The following C12orf75 variants were observed in gnomAD, a reference collection of about 807,000 sequenced individuals.
C12orf75 encodes chromosome 12 open reading frame 75.
In C12orf75, 4 loss-of-function variants were observed where a neutral mutation model predicts 11.4. That is an observed-to-expected ratio of 0.35 (90% CI 0.17 to 0.80). The LOEUF (loss-of-function observed/expected upper bound fraction) is 0.80, where lower values mean the gene tolerates loss of function less well. C12orf75 is among the 30% of genes least tolerant of loss of function. C12orf75 has a pLI of 0.52. For missense variants in C12orf75, 89 were observed against 80.4 expected, an observed-to-expected ratio of 1.11 and a Z score of -0.41; for synonymous variants, 30 against 30.0, an observed-to-expected ratio of 1.00 and a Z score of 0.00.
intron 1 of C12orf75, among the ~76,000 whole-genome samples, chr12:105,344,966 C>A (rs182662925): frequency 2.8e-5 from 4 of 143,676 alleles, no homozygotes; most frequent in South Asian, 2.3e-4. Flanking sequence ...AATTCTAAGC[C>A]CCCCCCCAAC....
chr12:105,362,566 C>T (rs982721094), intron 2 of C12orf75, among the ~76,000 whole-genome samples: 1 of 149,292 alleles, frequency 6.7e-6, no homozygotes, highest in Non-Finnish European at 1.5e-5. Context: ...ACTCAGGAGG[C>T]TGAGGCAGGA....
At chr12:105,349,210 C>T (rs1187342454) in intron 2 of C12orf75, among the ~76,000 whole-genome samples, 1 of 152,182 alleles carries the variant, frequency 6.6e-6, no homozygotes, top group Non-Finnish European at 1.5e-5. Context: ...ATCCTCCTGC[C>T]TCTAATCTAG....
rs780090436 is a variant in C12orf75 at position 105,348,614 on chromosome 12, C to T, written c.59C>T (p.Ala20Val). The T allele has an allele frequency of 6.5e-7, 1 of 1,538,056 alleles. No individual in the cohort carries two copies. The highest frequency in any genetic ancestry group is 8.8e-7 in the Non-Finnish European group (1 of 1,139,334). The change falls in exon 2 of 6, where the codon GCA becomes GTA. Residue 20 changes from alanine to valine, a missense_variant. Ala to Val is a moderately conservative substitution (Grantham distance 64, BLOSUM62 0). Coordinates refer to ENST00000443585, the MANE Select transcript of C12orf75 (RefSeq NM_001145199.2). ...TTTTTTTCTCTAGGCCCTGCAGGAG[C>T]AGCCAAAGATGTGTAAGTATTGAAT... ...SAGAGQGPAGAAKDVTEESVT... is the reference protein window; with the variant it reads ...SAGAGQGPAGVAKDVTEESVT...
intron 3 of C12orf75, 80 bp downstream of exon 3, chr12:105,365,922 C>A: frequency 1.1e-6 from 1 of 878,088 alleles, no homozygotes; most frequent in South Asian, 1.4e-5. Flanking sequence ...TAGCATATTC[C>A]CAATAACACA....
At chr12:105,341,314 C>T (rs1463326717) in intron 1 of C12orf75, among the ~76,000 whole-genome samples, 1 of 151,478 alleles carries the variant, frequency 6.6e-6, no homozygotes, top group South Asian at 2.1e-4. Context: ...TTTTTTTTCC[C>T]CCGTTTCCTG....
At chr12:105,349,025 G>A (rs1333737435) in intron 2 of C12orf75, among the ~76,000 whole-genome samples, 1 of 152,174 alleles carries the variant, frequency 6.6e-6, no homozygotes, top group East Asian at 1.9e-4. Context: ...GTTACCAAGT[G>A]TACATTGAAT....
chr12:105,363,322 A>G (rs1346322008), intron 2 of C12orf75, among the ~76,000 whole-genome samples: 1 of 152,240 alleles, frequency 6.6e-6, no homozygotes, highest in Non-Finnish European at 1.5e-5. Context: ...CCTGGTCTCT[A>G]GTCCTAGTGT....
chr12:105,356,468 A>G (rs1169625637), intron 2 of C12orf75, among the ~76,000 whole-genome samples: 1 of 49,254 alleles, frequency 2.0e-5, no homozygotes, highest in Admixed American at 2.2e-4. Flanking sequence ...TTTGCTTTTT[A>G]GATCATCTCT....
Position 105,342,629 on chromosome 12 carries a change from G to A in C12orf75, c.47-5973G>A, listed in dbSNP as rs753889972. ...CTCCTCTCTCTGCAGGTGGCAGGGT[G>A]GAGCTCAATGTTCCAAGCTTCTAAT... is the stretch of plus-strand genomic sequence containing the variant. On this transcript the variant is annotated intron_variant, in intron 1 of 5. Transcript: ENST00000443585. 3.7e-4 allele frequency among the ~76,000 whole-genome samples: 57 copies of A among 152,192 alleles called. 1 individual carries two copies. The highest frequency in any genetic ancestry group is 1.0e-4 in the Non-Finnish European group (7 of 68,048).
intron 1 of C12orf75, among the ~76,000 whole-genome samples, chr12:105,346,445 G>T (rs7953481): frequency 0.54 from 81,619 of 151,992 alleles, 22,338 homozygotes; most frequent in Non-Finnish European, 0.59. Context: ...TTTCACGGGT[G>T]TATGGTGGCA....
In C12orf75 at chr12:105,367,488, A is replaced by G. The variant is rs886492748; in HGVS notation, c.*12A>G. ...CTCTTTAAGATTAGAAGAAAATAACATCATGACTCAAGAATCAAGAGGTGC... is the reference window on the plus strand; with the variant it reads ...CTCTTTAAGATTAGAAGAAAATAACGTCATGACTCAAGAATCAAGAGGTGC... On this transcript the variant is annotated 3_prime_UTR_variant, in exon 5 of 6. Coordinates refer to ENST00000443585, the MANE Select transcript of C12orf75 (RefSeq NM_001145199.2). The G allele has an allele frequency of 3.6e-5, 30 of 838,716 alleles. No individual in the cohort carries two copies. The Admixed American group carries it at 7.1e-4, about 20-fold the overall frequency. 52.0% of individuals were successfully genotyped at this position (838,716 alleles called of 1,614,324 possible). A position where few individuals can be genotyped will look rare whatever the true frequency, so the allele number is the denominator to read the frequency against.
intron 2 of C12orf75, among the ~76,000 whole-genome samples, chr12:105,361,239 C>T (rs550432103): frequency 3.3e-5 from 5 of 152,062 alleles, no homozygotes; most frequent in African/African-American, 9.6e-5. Flanking sequence ...AAGATCTTGC[C>T]GTGTTGCCCA....
chr12:105,332,741 A>C (rs1012183676), intron 1 of C12orf75, among the ~76,000 whole-genome samples: 1 of 138,900 alleles, frequency 7.2e-6, no homozygotes, highest in Non-Finnish European at 1.6e-5. Flanking sequence ...CATCTAAAAA[A>C]AAAAAAAAAG....
chr12:105,352,817 A>G (rs1892729971), intron 2 of C12orf75, among the ~76,000 whole-genome samples: 1 of 152,198 alleles, frequency 6.6e-6, no homozygotes, highest in Non-Finnish European at 1.5e-5. Flanking sequence ...AACACTTGAA[A>G]GCATGGTTGA....
At chr12:105,355,698 A>G (rs1592882252) in intron 2 of C12orf75, among the ~76,000 whole-genome samples, 1 of 152,194 alleles carries the variant, frequency 6.6e-6, no homozygotes, top group Non-Finnish European at 1.5e-5. Context: ...TGAGAACAAG[A>G]TGCATATTCT....
In C12orf75 at chr12:105,352,580, G is replaced by C. The variant is rs150936138; in HGVS notation, c.71+3954G>C. On this transcript the variant is annotated intron_variant, in intron 2 of 5. Transcript: ENST00000443585. ...TTTCTGCCCAGTTGTGAGTATGGTTGATTTTGTGTATTGAAGTTTGTTTTT... is the reference window on the plus strand; with the variant it reads ...TTTCTGCCCAGTTGTGAGTATGGTTCATTTTGTGTATTGAAGTTTGTTTTT... 3.6e-3 allele frequency among the ~76,000 whole-genome samples: 542 copies of C among 152,052 alleles called. 4 individuals are homozygous for C. Among genetic ancestry groups the C allele is most frequent in the African/African-American group, 0.012 (494 of 41,458 alleles).
chr12:105,342,551 G>A (rs1394069638), intron 1 of C12orf75, among the ~76,000 whole-genome samples: 1 of 152,230 alleles, frequency 6.6e-6, no homozygotes, highest in African/African-American at 2.4e-5. Flanking sequence ...CAAGACACAA[G>A]CATGGCTGGT....
chr12:105,336,068 T>C (rs988970900), intron 1 of C12orf75, among the ~76,000 whole-genome samples: 1 of 152,186 alleles, frequency 6.6e-6, no homozygotes, highest in Non-Finnish European at 1.5e-5. Flanking sequence ...CTTTGAAGAA[T>C]AGGTAAGATT....
intron 1 of C12orf75, among the ~76,000 whole-genome samples, chr12:105,337,160 C>T (rs1367813119): frequency 1.3e-5 from 2 of 152,080 alleles, no homozygotes; most frequent in Non-Finnish European, 2.9e-5. Flanking sequence ...CCCATCTCTA[C>T]TAAAAATACA....
Sources: gnomAD v4.1 joint callset for allele counts (sites outside exome capture counted in the v4.1 genomes callset) on GRCh38, gnomAD v4.1.1 for gene constraint, MANE v1.5 for transcripts, NCBI Gene and HGNC (gene_info 2026-07-23, HGNC 2026-07-21) for gene names.